Variants in ARL8B observed in about 807,000 individuals in gnomAD.
ARL8B encodes the protein ARF like GTPase 8B, also known as ADP-ribosylation factor-like protein 8B.
ARL8B carries 9 observed loss-of-function variants against 30.6 expected under a neutral mutation model. The ratio of observed to expected loss-of-function variants is 0.29; its 90% CI spans 0.18 to 0.51. The LOEUF is 0.51. Ranked by LOEUF, ARL8B falls within the 20% of genes least tolerant of loss-of-function variation. The pLI is 0.97. For missense variants in ARL8B, 130 were observed against 227.2 expected, an observed-to-expected ratio of 0.57 and a Z score of 2.75; for synonymous variants, 74 against 76.0, an observed-to-expected ratio of 0.97 and a Z score of 0.14.
At position 5,158,056 on chromosome 3, in the gene ARL8B, G is replaced by A. The variant is rs189309286; in HGVS notation, c.124-12447G>A. Reference sequence around the variant, plus strand: ...AATGGAGCGATCTCAGCTCACTGCAGCCTCCGCCTCCTGGGTTCAAATGAT... The same window carrying A: ...AATGGAGCGATCTCAGCTCACTGCAACCTCCGCCTCCTGGGTTCAAATGAT... On this transcript the variant is annotated intron_variant, in intron 1 of 6. Transcript: ENST00000256496. Among the ~76,000 whole-genome samples the A allele has an allele frequency of 8.2e-3, 1,247 of 152,032 alleles. 12 individuals carry two copies. Among genetic ancestry groups the A allele is most frequent in the African/African-American group, 0.028 (1,161 of 41,438 alleles).
chr3:5,130,563 T>C (rs1034071615), intron 1 of ARL8B, among the ~76,000 whole-genome samples: 2 of 151,852 alleles, frequency 1.3e-5, no homozygotes, highest in Non-Finnish European at 2.9e-5. Flanking sequence ...GGATGGAATC[T>C]TGCTTTGTTG....
chr3:5,174,448 G>T (rs772578255), intron 6 of ARL8B, 34 bp downstream of exon 6: 2 of 1,358,896 alleles, frequency 1.5e-6, no homozygotes, highest in Non-Finnish European at 2.1e-6. Flanking sequence ...GAAGAAATGG[G>T]TATCATTGGA....
rs184809701 is a variant in ARL8B, at chr3:5,125,642, C to T, written c.123+3054C>T. Reference sequence around the variant, plus strand: ...CTGCCTCCTGGGTTCAAGCTATTCTCGTGCCTCAGCCTCCCGAGTAGCTGG... The same window carrying T: ...CTGCCTCCTGGGTTCAAGCTATTCTTGTGCCTCAGCCTCCCGAGTAGCTGG... On this transcript the variant is annotated intron_variant, in intron 1 of 6. Transcript: ENST00000256496. Among the ~76,000 whole-genome samples, 188 of 151,746 alleles carry T rather than the reference C, an allele frequency of 1.2e-3. 1 individual carries two copies. The highest frequency in any genetic ancestry group is 3.3e-3 in the African/African-American group (137 of 41,344).
At chr3:5,170,822 C>T (rs903566827) in intron 2 of ARL8B, 1 of 326,202 alleles carries the variant, frequency 3.1e-6, no homozygotes, top group African/African-American at 2.2e-5. Flanking sequence ...ACCTCTACCT[C>T]CCGGTTCAAG....
At position 5,174,339 on chromosome 3, in the gene ARL8B, CAT is replaced by C; in HGVS notation, c.441-3_441-2del. The C allele has an allele frequency of 1.9e-6, 3 of 1,590,342 alleles. No homozygotes were observed. Among genetic ancestry groups the C allele is most frequent in the Non-Finnish European group, 2.6e-6 (3 of 1,158,872 alleles). On this transcript the variant is annotated splice_region_variant and splice_polypyrimidine_tract_variant and intron_variant, in intron 5 of 6. Transcript: ENST00000256496. ...ACAGACTTATCCTTTTAATTCTTCT[CAT>C]AGGAATCTGTCTGCTATTCAGGATA... is the stretch of plus-strand genomic sequence containing the variant.
In ARL8B at chr3:5,169,305, TTGTGTGTGTG is replaced by T. The variant is rs10575722; in HGVS notation, c.124-1169_124-1160del. Among the ~76,000 whole-genome samples, 1,144 of 142,946 alleles carry T rather than the reference TTGTGTGTGTG, an allele frequency of 8.0e-3. 14 individuals are homozygous for T. The highest frequency in any genetic ancestry group is 0.026 in the African/African-American group (1,012 of 38,576). 93.8% of individuals were successfully genotyped at this position (142,946 alleles called of 152,430 possible). On this transcript the variant is annotated intron_variant, in intron 1 of 6. Coordinates refer to ENST00000256496, the MANE Select transcript of ARL8B (RefSeq NM_018184.3). ...TACCTCATAAAGTGAAATACAGTGTTTGTGTGTGTGTGTGTGTGTGTGTGTGTGTGTGTGT... is the reference window on the plus strand; with the variant it reads ...TACCTCATAAAGTGAAATACAGTGTTTGTGTGTGTGTGTGTGTGTGTGTGT...
At chr3:5,170,395 G>T (rs1335345954) in intron 1 of ARL8B, 108 bp from the exon 2 acceptor site, 2 of 630,844 alleles carry the variant, frequency 3.2e-6, no homozygotes, top group Admixed American at 3.5e-5. Context: ...GTTACCAATG[G>T]TAAAAAAATA....
At chr3:5,169,610 A>G (rs1393941171) in intron 1 of ARL8B, among the ~76,000 whole-genome samples, 1 of 145,558 alleles carries the variant, frequency 6.9e-6, no homozygotes, top group Middle Eastern at 3.3e-3. Flanking sequence ...GTTAGGTGGT[A>G]TCTCTTTGTG....
chr3:5,139,987 G>GT (rs375903438), intron 1 of ARL8B, among the ~76,000 whole-genome samples: 38,815 of 129,968 alleles, frequency 0.3, 6,383 homozygotes, highest in African/African-American at 0.44. Context: ...GATTAGTTTT[G>GT]TTTTTTTTTT....
intron 1 of ARL8B, among the ~76,000 whole-genome samples, chr3:5,164,085 G>T (rs968158829): frequency 6.6e-6 from 1 of 152,182 alleles, no homozygotes; most frequent in Non-Finnish European, 1.5e-5. Flanking sequence ...CATATGAAAA[G>T]TTGTTCCCCA....
At chr3:5,150,077 G>A (rs2054466405) in intron 1 of ARL8B, among the ~76,000 whole-genome samples, 1 of 152,168 alleles carries the variant, frequency 6.6e-6, no homozygotes, top group South Asian at 2.1e-4. Context: ...TTTGTTATGA[G>A]GGTAATGCAG....
chr3:5,146,086 C>G (rs1422758223), intron 1 of ARL8B, among the ~76,000 whole-genome samples: 1 of 152,184 alleles, frequency 6.6e-6, no homozygotes, highest in East Asian at 1.9e-4. Context: ...TAAGACTTGA[C>G]CAAATAAGTT....
intron 1 of ARL8B, chr3:5,128,457 C>T: frequency 2.2e-6 from 1 of 454,228 alleles, no homozygotes; most frequent in Non-Finnish European, 4.4e-6. Flanking sequence ...TTTTTCCTTG[C>T]AGACCAAGAA....
intron 6 of ARL8B, among the ~76,000 whole-genome samples, chr3:5,176,272 C>T (rs1480757862): frequency 6.6e-5 from 10 of 152,214 alleles, no homozygotes; most frequent in Admixed American, 1.3e-4. Context: ...ACTCTGTCGC[C>T]GTGGCTGGAG....
At chr3:5,170,352 A>G in intron 1 of ARL8B, 151 bp from the exon 2 acceptor site, 1 of 403,324 alleles carries the variant, frequency 2.5e-6, no homozygotes. Flanking sequence ...TTCAAGAATT[A>G]TGGCCATAAG....
chr3:5,133,404 A>G (rs890701118), intron 1 of ARL8B, among the ~76,000 whole-genome samples: 2 of 152,340 alleles, frequency 1.3e-5, no homozygotes, highest in East Asian at 3.9e-4. Flanking sequence ...GTTGAGAGAC[A>G]TTGAGGGAGA....
rs1468527833 is a variant in ARL8B, at chr3:5,155,963, C to T, written c.124-14540C>T. Among the ~76,000 whole-genome samples, 5 of 151,556 alleles carry T rather than the reference C, an allele frequency of 3.3e-5. 1 individual carries two copies. The South Asian group carries it at 8.3e-4, about 25-fold the overall frequency. The stretch of plus-strand genomic sequence containing the variant: ...TGTCACCTAGGCTGGAGTGCAGTGG[C>T]GCGATCTCAGCTCACGGCAACCTCC... On this transcript the variant is annotated intron_variant, in intron 1 of 6. Transcript: ENST00000256496.
intron 1 of ARL8B, among the ~76,000 whole-genome samples, chr3:5,153,946 C>G (rs944111550): frequency 6.6e-6 from 1 of 151,676 alleles, no homozygotes; most frequent in Non-Finnish European, 1.5e-5. Context: ...TTTTCCCCCT[C>G]CAGCACTTCG....
intron 1 of ARL8B, among the ~76,000 whole-genome samples, chr3:5,130,692 C>T (rs555549755): frequency 2.0e-4 from 30 of 151,978 alleles, no homozygotes; most frequent in African/African-American, 6.8e-4. Flanking sequence ...TGCGCCACTA[C>T]GCCTGGCTAT....
Sources: allele counts gnomAD v4.1 joint callset (sites outside exome capture counted in the v4.1 genomes callset), GRCh38; gene constraint gnomAD v4.1.1; transcripts MANE v1.5; gene names NCBI Gene and HGNC (gene_info 2026-07-23, HGNC 2026-07-21).